The following CPNE1 variants were observed in gnomAD, a reference collection of about 807,000 sequenced individuals.
The protein encoded by CPNE1 is copine 1, also known as copine-1.
CPNE1 carries 58 observed loss-of-function variants against 63.2 expected under a neutral mutation model. The observed-to-expected ratio is 0.92, with a 90% CI of 0.74 to 1.14. The LOEUF (loss-of-function observed/expected upper bound fraction) is 1.14. Among genes scored for constraint, CPNE1 ranks in the 50% most tolerant of loss-of-function variants. The pLI, the probability that CPNE1 is intolerant of heterozygous loss-of-function variation, is 0.00. For synonymous variants in CPNE1, 237 were observed against 249.0 expected (o/e 0.95, Z 0.45); for missense variants, 672 against 661.7 (o/e 1.02, Z -0.17).
rs2034453721 is a variant in CPNE1, at chr20:35,664,786, C to T, written c.-27G>A. 1 of 152,442 alleles carries T rather than the reference C, an allele frequency of 6.6e-6. No homozygotes were observed. Among genetic ancestry groups the T allele is most frequent in the African/African-American group, 2.4e-5 (1 of 41,462 alleles). The allele number at this position is 152,442 out of a possible 1,614,324, so 9.4% of individuals were successfully genotyped here. ...GGGGAAAGCTGCGCGGCACCAGAAC[C>T]CAGACCCCGAATTACCCCCCGCGCG... On this transcript the variant is annotated 5_prime_UTR_variant, in exon 1 of 16. Coordinates refer to ENST00000397443, the MANE Select transcript of CPNE1 (RefSeq NM_152925.3).
rs1601423750 is a variant in CPNE1 at position 35,632,108 on chromosome 20, A to C, written c.456+55T>G. On this transcript the variant is annotated intron_variant, in intron 5 of 15. Coordinates refer to ENST00000397443, the MANE Select transcript of CPNE1 (RefSeq NM_152925.3). ...CTCTGTCCACACCCCCATCCCCCAT[A>C]CACCATCCTTGGCCCCTTAACTCTT... The C allele has an allele frequency of 2.5e-6, 4 of 1,603,244 alleles. No individual in the cohort carries two copies. In the East Asian group the frequency reaches 6.7e-5, roughly 27 times the overall value.
intron 1 of CPNE1, among the ~76,000 whole-genome samples, chr20:35,635,444 C>T (rs981957268): frequency 7.9e-5 from 12 of 152,120 alleles, no homozygotes; most frequent in African/African-American, 2.4e-4. Context: ...CAGCCAGCTC[C>T]AAACTAACTG....
chr20:35,650,115 G>C (rs1400797427), intron 1 of CPNE1: 2 of 152,558 alleles, frequency 1.3e-5, no homozygotes, highest in African/African-American at 4.8e-5. Context: ...AGTTAGCACT[G>C]TTAATAAATC....
intron 1 of CPNE1, among the ~76,000 whole-genome samples, chr20:35,659,787 A>G (rs1456788191): frequency 6.6e-6 from 1 of 152,230 alleles, no homozygotes; most frequent in African/African-American, 2.4e-5. Context: ...TGAGGTTATT[A>G]ACAAGTCACA....
chr20:35,634,654 G>C (rs960384477), intron 1 of CPNE1, among the ~76,000 whole-genome samples: 8 of 152,120 alleles, frequency 5.3e-5, no homozygotes, highest in African/African-American at 1.7e-4. Context: ...GTCCTGGAAG[G>C]TCCAGATTTC....
Position 35,639,099 on chromosome 20 carries a change from A to C in CPNE1, c.1-6176T>G, listed in dbSNP as rs1046708155. Among the ~76,000 whole-genome samples the C allele has an allele frequency of 6.7e-5, 10 of 150,010 alleles. No homozygotes were observed. In the East Asian group the frequency reaches 7.7e-4, roughly 12 times the overall value. On this transcript the variant is annotated intron_variant, in intron 1 of 15. Coordinates refer to ENST00000397443, the MANE Select transcript of CPNE1 (RefSeq NM_152925.3). ...CTGATTGTAAAATTTTACAAAAAAA[A>C]AAAACAAAACCCAACAACCCATAAA...
At chr20:35,629,050 ATG>A (rs759392117) in intron 13 of CPNE1, among the ~76,000 whole-genome samples, 3 of 152,250 alleles carry the variant, frequency 2.0e-5, no homozygotes, top group Non-Finnish European at 2.9e-5. Context: ...AAATGTGTGA[ATG>A]TGTGTGTATA....
chr20:35,631,814 C>A, intron 6 of CPNE1, 37 bp from the exon 7 acceptor site: 1 of 1,584,706 alleles, frequency 6.3e-7, no homozygotes, highest in Non-Finnish European at 8.7e-7. Flanking sequence ...TGAGCTCTGG[C>A]ATGGCCCCCT....
At chr20:35,654,140 T>G (rs996574374) in intron 1 of CPNE1, 2 of 1,614,124 alleles carry the variant, frequency 1.2e-6, no homozygotes, top group African/African-American at 1.3e-5. Context: ...GAAGGTCCCA[T>G]ATTTTGCTTA....
chr20:35,630,189 G>A (rs2032024350), intron 13 of CPNE1, among the ~76,000 whole-genome samples: 2 of 152,230 alleles, frequency 1.3e-5, no homozygotes, highest in South Asian at 2.1e-4. Flanking sequence ...AGCTACTTGG[G>A]AGGCTGAGGC....
At chr20:35,636,914 G>T (rs183318622) in intron 1 of CPNE1, among the ~76,000 whole-genome samples, 161 of 152,176 alleles carry the variant, frequency 1.1e-3, no homozygotes, top group Middle Eastern at 3.4e-3. Context: ...AAAAATAGAA[G>T]ATGCATCAAA....
chr20:35,660,566 A>AT (rs2034178958), intron 1 of CPNE1, among the ~76,000 whole-genome samples: 1 of 152,202 alleles, frequency 6.6e-6, no homozygotes, highest in Non-Finnish European at 1.5e-5. Flanking sequence ...TTTGAAAGCC[A>AT]TATCTAGTAG....
At chr20:35,652,702 T>A in intron 1 of CPNE1, 2 of 1,614,044 alleles carry the variant, frequency 1.2e-6, no homozygotes, top group Non-Finnish European at 1.7e-6. Flanking sequence ...ATAAAAGAAA[T>A]CTAAAATCTC....
intron 14 of CPNE1, among the ~76,000 whole-genome samples, chr20:35,627,060 C>T (rs1048096749): frequency 4.0e-5 from 6 of 151,812 alleles, no homozygotes; most frequent in East Asian, 1.9e-4. Context: ...TGGTGGCACA[C>T]GCCTGTAATC....
In CPNE1 at chr20:35,626,369, C is replaced by A; in HGVS notation, c.1486G>T (p.Ala496Ser). The A allele has an allele frequency of 6.2e-7, 1 of 1,614,034 alleles. No homozygotes were observed. The highest frequency in any genetic ancestry group is 1.1e-5 in the South Asian group (1 of 91,078). The change falls in exon 16 of 16, where the codon GCA becomes TCA. Residue 496 changes from alanine to serine, a missense_variant. Coordinates refer to ENST00000397443, the MANE Select transcript of CPNE1 (RefSeq NM_152925.3). The part of the protein sequence containing the change: ...YRRFQNAPRE[A>S]LAQTVLAEVP... ...TCTGCGAGCACGGTCTGTGCCAATG[C>A]CTCCCGAGGGGCCTGCCAAGAAAAG...
Position 35,632,022 on chromosome 20 carries a change from A to G in CPNE1, c.460T>C (p.Phe154Leu). The G allele has an allele frequency of 6.2e-7, 1 of 1,614,118 alleles. No individual in the cohort carries two copies. The highest frequency in any genetic ancestry group is 8.5e-7 in the Non-Finnish European group (1 of 1,179,986). Residue 154 changes from phenylalanine to leucine, a missense_variant, in exon 6 of 16, where the codon TTC becomes CTC. By Grantham distance (22) the Phe-to-Leu change is conservative. Transcript: ENST00000397443. ...VEARNLDKKDFLGKSDPFLEF... is the reference protein window; with the variant it reads ...VEARNLDKKDLLGKSDPFLEF... ...AGAAATGGATCTGATTTTCCCAGGA[A>G]GTCCTGCCAATGCGAGACCCCAGTT...
At chr20:35,644,985 C>T (rs2146317502) in intron 1 of CPNE1, among the ~76,000 whole-genome samples, 1 of 152,200 alleles carries the variant, frequency 6.6e-6, no homozygotes, top group East Asian at 1.9e-4. Flanking sequence ...GTCAATTCTG[C>T]CCCCATCCCT....
chr20:35,659,432 T>C (rs1238077916), intron 1 of CPNE1, among the ~76,000 whole-genome samples: 1 of 152,152 alleles, frequency 6.6e-6, no homozygotes, highest in African/African-American at 2.4e-5. Context: ...CAATAACAAT[T>C]CTTGGACAAC....
Position 35,653,650 on chromosome 20 carries a change from A to G in CPNE1, c.-1+11110T>C, listed in dbSNP as rs1368296170. 2.5e-6 allele frequency: 4 copies of G among 1,614,236 alleles called. No homozygotes were observed. The South Asian group carries it at 3.3e-5, about 13-fold the overall frequency. On this transcript the variant is annotated intron_variant, in intron 1 of 15. Coordinates refer to ENST00000397443, the MANE Select transcript of CPNE1 (RefSeq NM_152925.3). ...TCCTTCTAGGAACTGAAGAACATCC[A>G]TCTTTGTAATGCTGAATGGAATATT...
Sources: gnomAD v4.1 joint callset for allele counts (sites outside exome capture counted in the v4.1 genomes callset) on GRCh38, gnomAD v4.1.1 for gene constraint, MANE v1.5 for transcripts, NCBI Gene and HGNC (gene_info 2026-07-23, HGNC 2026-07-21) for gene names.